The following ANXA1 variants were observed in gnomAD, a reference collection of about 807,000 sequenced individuals.
ANXA1 encodes annexin A1.
A neutral mutation model predicts 47.9 loss-of-function variants in ANXA1; 39 were observed. The observed-to-expected ratio is 0.81, with a 90% CI of 0.63 to 1.06. The LOEUF (loss-of-function observed/expected upper bound fraction) is 1.06. Among genes scored for constraint, ANXA1 ranks in the 50% least tolerant of loss-of-function variants. ANXA1 has a pLI of 0.00. For missense variants in ANXA1, 446 were observed against 422.7 expected (o/e 1.06, Z -0.48); for synonymous variants, 146 against 142.5 (o/e 1.02, Z -0.17).
intron 10 of ANXA1, among the ~76,000 whole-genome samples, chr9:73,166,855 AT>A (rs1372450068): frequency 1.3e-5 from 2 of 152,114 alleles, no homozygotes; most frequent in Non-Finnish European, 2.9e-5. Flanking sequence ...TCTCGACAAG[AT>A]GAAGAACACT....
chr9:73,165,295 A>C, intron 9 of ANXA1, 86 bp downstream of exon 9: 1 of 1,076,854 alleles, frequency 9.3e-7, no homozygotes, highest in East Asian at 2.5e-5. Flanking sequence ...GTAAAAACAG[A>C]ACCCTTTTTC....
At chr9:73,158,830 C>T (rs1293615911) in intron 3 of ANXA1, 27 bp downstream of exon 3, 2 of 1,562,618 alleles carry the variant, frequency 1.3e-6, no homozygotes, top group East Asian at 2.2e-5. Context: ...AAACAGTTCC[C>T]TCCTGGACAT....
intron 1 of ANXA1, among the ~76,000 whole-genome samples, chr9:73,155,065 C>CA (rs971442808): frequency 1.3e-5 from 2 of 151,916 alleles, no homozygotes; most frequent in African/African-American, 4.8e-5. Context: ...CATAAATATG[C>CA]AAAAAAATTG....
intron 1 of ANXA1, chr9:73,154,309 G>T (rs140914576): frequency 1.5e-6 from 2 of 1,366,038 alleles, no homozygotes; most frequent in Admixed American, 1.9e-5. Context: ...TACGGTCTGC[G>T]CAAGTTGACT....
At chr9:73,154,318 C>G (rs756001487) in intron 1 of ANXA1, 88 of 1,366,124 alleles carry the variant, frequency 6.4e-5, no homozygotes, top group Non-Finnish European at 8.2e-5. Flanking sequence ...CGCAAGTTGA[C>G]TGTTAATGAA....
intron 1 of ANXA1, among the ~76,000 whole-genome samples, chr9:73,157,131 C>T (rs1056895648): frequency 6.6e-6 from 1 of 152,012 alleles, no homozygotes; most frequent in Non-Finnish European, 1.5e-5. Flanking sequence ...TAATTCTTTT[C>T]TGGGTTTTTT....
At chr9:73,155,499 T>A (rs1013285088) in intron 1 of ANXA1, among the ~76,000 whole-genome samples, 1 of 152,176 alleles carries the variant, frequency 6.6e-6, no homozygotes, top group South Asian at 2.1e-4. Flanking sequence ...AAAATATATA[T>A]TTGGTATTTG....
At chr9:73,157,653 C>CAAAAAA (rs373035373) in intron 1 of ANXA1, 7 of 42,600 alleles carry the variant, frequency 1.6e-4, no homozygotes, top group Non-Finnish European at 3.1e-4. Flanking sequence ...GACTCCATCT[C>CAAAAAA]AAAAAAAAAA....
At chr9:73,160,168 T>TTAGGTTTAGGGTTTA in intron 4 of ANXA1, 95 bp from the exon 5 acceptor site, 1 of 739,698 alleles carries the variant, frequency 1.4e-6, no homozygotes, top group Non-Finnish European at 2.2e-6. Context: ...GGTTTAGGGA[T>TTAGGTTTAGGGTTTA]GAGTTGTACG....
At chr9:73,167,704 A>C (rs924619104) in intron 11 of ANXA1, 149 bp downstream of exon 11, 9 of 680,396 alleles carry the variant, frequency 1.3e-5, no homozygotes, top group Non-Finnish European at 2.1e-5. Flanking sequence ...GTAATACACT[A>C]CCTTCTCAGA....
At position 73,170,119 on chromosome 9, in the gene ANXA1, A is replaced by G. The variant is rs1824298820; in HGVS notation, c.*12A>G. ...GTGGAGGAAACTAAACATTCCCTTG[A>G]TGGTCTCAAGCTATGATCAGAAGAC... On this transcript the variant is annotated 3_prime_UTR_variant, in exon 13 of 13. Coordinates refer to ENST00000257497, the MANE Select transcript of ANXA1 (RefSeq NM_000700.3). 1 of 1,601,630 alleles carries G rather than the reference A, an allele frequency of 6.2e-7. No individual in the cohort carries two copies.
At chr9:73,165,954 T>C (rs533190541) in intron 9 of ANXA1, 143 bp from the exon 10 acceptor site, 5 of 578,800 alleles carry the variant, frequency 8.6e-6, no homozygotes, top group Middle Eastern at 8.5e-4. Context: ...ATTCACGTTA[T>C]GATTAATTGG....
intron 8 of ANXA1, among the ~76,000 whole-genome samples, chr9:73,164,658 C>T (rs1217742587): frequency 6.6e-6 from 1 of 152,016 alleles, no homozygotes; most frequent in Admixed American, 6.6e-5. Flanking sequence ...ATCTATTTGT[C>T]TAAGATTATG....
chr9:73,162,682 A>G, intron 6 of ANXA1, 100 bp from the exon 7 acceptor site: 2 of 704,984 alleles, frequency 2.8e-6, no homozygotes, highest in Admixed American at 2.9e-5. Flanking sequence ...GTCATTGAAC[A>G]CTGTGGCACT....
intron 6 of ANXA1, among the ~76,000 whole-genome samples, chr9:73,161,106 G>T (rs558581870): frequency 2.0e-5 from 3 of 152,056 alleles, no homozygotes; most frequent in Non-Finnish European, 4.4e-5. Context: ...GTCCCAATCC[G>T]CATCAAGCTT....
intron 11 of ANXA1, chr9:73,168,787 T>G: frequency 3.5e-6 from 1 of 286,506 alleles, no homozygotes; most frequent in Non-Finnish European, 6.5e-6. Flanking sequence ...AGAGACCGGA[T>G]GGTGAGAGAT....
intron 8 of ANXA1, among the ~76,000 whole-genome samples, chr9:73,164,627 A>T (rs1380322392): frequency 2.6e-5 from 4 of 152,152 alleles, no homozygotes; most frequent in Non-Finnish European, 5.9e-5. Flanking sequence ...AAAGAAAAAA[A>T]TCTGTCATTT....
intron 8 of ANXA1, among the ~76,000 whole-genome samples, chr9:73,163,896 C>T (rs988756933): frequency 4.6e-5 from 7 of 151,928 alleles, no homozygotes; most frequent in African/African-American, 1.2e-4. Flanking sequence ...GCATATTTAA[C>T]GTTATTTTTA....
chr9:73,167,457 T>G, intron 10 of ANXA1, 40 bp from the exon 11 acceptor site: 4 of 1,583,904 alleles, frequency 2.5e-6, no homozygotes, highest in Non-Finnish European at 3.5e-6. Flanking sequence ...TTCATTTTTT[T>G]CATGGTAAAT....
Sources: gnomAD v4.1 joint callset for allele counts (sites outside exome capture counted in the v4.1 genomes callset) on GRCh38, gnomAD v4.1.1 for gene constraint, MANE v1.5 for transcripts, NCBI Gene and HGNC (gene_info 2026-07-23, HGNC 2026-07-21) for gene names.